Variants in PABPC4L observed in about 807,000 individuals in gnomAD.
PABPC4L encodes the protein polyadenylate-binding protein 4-like.
For missense variants in PABPC4L, 452 were observed against 451.4 expected, an observed-to-expected ratio of 1.00 and a Z score of -0.01; for synonymous variants, 169 against 164.1, an observed-to-expected ratio of 1.03 and a Z score of -0.23.
rs566597148 is a variant in PABPC4L, at chr4:134,198,878, A to G, written c.*1029T>C. On this transcript the variant is annotated 3_prime_UTR_variant, in exon 2 of 2. Coordinates refer to ENST00000421491, the MANE Select transcript of PABPC4L (RefSeq NM_001114734.2). ...TCAGTGTTTCTGATCAATGAAGGCT[A>G]AAAGTGAACCTTAATGGGTTCCATA... is the stretch of plus-strand genomic sequence containing the variant. 14 of 152,130 alleles carry G rather than the reference A, an allele frequency of 9.2e-5. No homozygotes were observed. The South Asian group carries it at 2.3e-3, about 25-fold the overall frequency. The allele number at this position is 152,130 out of a possible 1,614,324, so 9.4% of individuals were successfully genotyped here. A position where few individuals can be genotyped will look rare whatever the true frequency, so the allele number is the denominator to read the frequency against.
the PABPC4L span, among the ~76,000 whole-genome samples, chr4:134,077,550 T>G: frequency 2.6e-5 from 4 of 152,126 alleles, no homozygotes; most frequent in Non-Finnish European, 4.4e-5. Context: ...CAAGATATCC[T>G]TTTGGAGTAA....
the PABPC4L span, among the ~76,000 whole-genome samples, chr4:134,159,243 A>C: frequency 6.6e-6 from 1 of 152,164 alleles, no homozygotes; most frequent in Non-Finnish European, 1.5e-5. Flanking sequence ...GTAATTCTAC[A>C]GGAGAAGCAG....
chr4:134,054,320 G>T, the PABPC4L span, among the ~76,000 whole-genome samples: 1 of 138,182 alleles, frequency 7.2e-6, no homozygotes, highest in Non-Finnish European at 1.6e-5. Flanking sequence ...TTGCAATTCT[G>T]GAGTTTTAAA....
chr4:134,067,338 T>C, the PABPC4L span, among the ~76,000 whole-genome samples: 1 of 152,160 alleles, frequency 6.6e-6, no homozygotes, highest in Non-Finnish European at 1.5e-5. Context: ...CATAATTGTC[T>C]CAGGATTTTT....
At chr4:134,145,432 C>T in the PABPC4L span, among the ~76,000 whole-genome samples, 62 of 151,140 alleles carry the variant, frequency 4.1e-4, no homozygotes, top group East Asian at 1.4e-3. Flanking sequence ...ATGAAAATAA[C>T]GATATTAAAC....
chr4:134,025,863 T>G, the PABPC4L span, among the ~76,000 whole-genome samples: 2 of 152,244 alleles, frequency 1.3e-5, no homozygotes, highest in Admixed American at 1.3e-4. Context: ...TTTTTCATTC[T>G]AACATAATTT....
At chr4:134,175,078 A>T in the PABPC4L span, among the ~76,000 whole-genome samples, 1 of 152,302 alleles carries the variant, frequency 6.6e-6, no homozygotes, top group Non-Finnish European at 1.5e-5. Context: ...TTGAGGGAGC[A>T]AGAGGTAAGA....
At chr4:133,993,891 C>G in the PABPC4L span, among the ~76,000 whole-genome samples, 2 of 151,824 alleles carry the variant, frequency 1.3e-5, no homozygotes, top group African/African-American at 4.8e-5. Context: ...AAAGTGCACA[C>G]AGGGTGGGCT....
chr4:134,011,557 GTAGA>G, the PABPC4L span, among the ~76,000 whole-genome samples: 1 of 152,022 alleles, frequency 6.6e-6, no homozygotes, highest in African/African-American at 2.4e-5. Flanking sequence ...AGAATGTGTA[GTAGA>G]TAGTTTCTTA....
chr4:134,025,879 C>T, the PABPC4L span, among the ~76,000 whole-genome samples: 1 of 151,836 alleles, frequency 6.6e-6, no homozygotes, highest in South Asian at 2.1e-4. Flanking sequence ...AATTTTTTTA[C>T]CAGCATTTGA....
At chr4:134,173,102 C>G in the PABPC4L span, among the ~76,000 whole-genome samples, 1 of 133,606 alleles carries the variant, frequency 7.5e-6, no homozygotes, top group Non-Finnish European at 1.5e-5. Context: ...CTCTTGTACA[C>G]TGGTGATGAA....
chr4:134,112,604 AT>A, the PABPC4L span, among the ~76,000 whole-genome samples: 4 of 151,248 alleles, frequency 2.6e-5, no homozygotes, highest in East Asian at 3.9e-4. Context: ...CTATCTATCT[AT>A]CTATCTATCT....
the PABPC4L span, among the ~76,000 whole-genome samples, chr4:134,175,488 G>C: frequency 6.6e-6 from 1 of 150,886 alleles, no homozygotes; most frequent in African/African-American, 2.4e-5. Flanking sequence ...TCGCTCTGTC[G>C]CCCAGGCTGA....
At chr4:134,038,146 C>A in the PABPC4L span, among the ~76,000 whole-genome samples, 2 of 152,070 alleles carry the variant, frequency 1.3e-5, no homozygotes, top group Non-Finnish European at 2.9e-5. Flanking sequence ...GTATGTTGAA[C>A]CAGCCTTGCA....
chr4:134,109,362 A>G, the PABPC4L span, among the ~76,000 whole-genome samples: 2 of 151,920 alleles, frequency 1.3e-5, no homozygotes, highest in African/African-American at 2.4e-5. Context: ...ATCAAGTAAA[A>G]GCAATATTTA....
the PABPC4L span, among the ~76,000 whole-genome samples, chr4:134,006,883 A>G: frequency 6.7e-6 from 1 of 150,346 alleles, no homozygotes; most frequent in Non-Finnish European, 1.5e-5. Context: ...CTAACATATG[A>G]AAGGCAAAGC....
the PABPC4L span, among the ~76,000 whole-genome samples, chr4:134,066,820 T>C: frequency 5.9e-5 from 9 of 152,146 alleles, no homozygotes; most frequent in Non-Finnish European, 1.3e-4. Flanking sequence ...GTTTTAGCTC[T>C]GTTTATGTAA....
chr4:134,146,857 G>A, the PABPC4L span, among the ~76,000 whole-genome samples: 1 of 152,108 alleles, frequency 6.6e-6, no homozygotes, highest in East Asian at 1.9e-4. Flanking sequence ...AGATGGCAAT[G>A]GAAGTTCTCA....
chr4:134,037,203 G>A, the PABPC4L span, among the ~76,000 whole-genome samples: 1 of 152,070 alleles, frequency 6.6e-6, no homozygotes, highest in Non-Finnish European at 1.5e-5. Context: ...TATTCTGTCA[G>A]TAATTGTGCT....
Sources: gnomAD v4.1 joint callset for allele counts (sites outside exome capture counted in the v4.1 genomes callset) on GRCh38, gnomAD v4.1.1 for gene constraint, MANE v1.5 for transcripts, NCBI Gene and HGNC (gene_info 2026-07-23, HGNC 2026-07-21) for gene names.